Variants in KCNH8 observed in about 807,000 individuals in gnomAD.
The protein encoded by KCNH8 is potassium voltage-gated channel subfamily H member 8.
In KCNH8, 70 loss-of-function variants were observed where a neutral mutation model predicts 103.6. The ratio of observed to expected loss-of-function variants is 0.68; its 90% CI spans 0.56 to 0.82. KCNH8 has a LOEUF of 0.82. KCNH8 is among the 40% of genes least tolerant of loss of function. The pLI, the probability that KCNH8 is intolerant of heterozygous loss-of-function variation, is 0.00. For missense variants in KCNH8, 1,217 were observed against 1,329.9 expected (o/e 0.92, Z 1.32); for synonymous variants, 498 against 489.4 (o/e 1.02, Z -0.23).
At chr3:19,174,252 C>T (rs879356415) in intron 1 of KCNH8, among the ~76,000 whole-genome samples, 2 of 152,126 alleles carry the variant, frequency 1.3e-5, no homozygotes, top group Non-Finnish European at 2.9e-5. Flanking sequence ...CTTGCATTAG[C>T]TCCAGGCCTT....
intron 7 of KCNH8, among the ~76,000 whole-genome samples, chr3:19,419,238 C>G (rs200586881): frequency 0.057 from 7,122 of 124,678 alleles, 394 homozygotes; most frequent in East Asian, 0.26. Flanking sequence ...CTCGCTCTGT[C>G]GCCCAGGCTG....
intron 7 of KCNH8, among the ~76,000 whole-genome samples, chr3:19,431,447 CTT>C (rs2067120217): frequency 6.6e-6 from 1 of 151,200 alleles, no homozygotes; most frequent in South Asian, 2.1e-4. Flanking sequence ...GAAGTTTCCT[CTT>C]TGTTTTACCT....
chr3:19,303,596 T>C (rs1305175537), intron 3 of KCNH8, among the ~76,000 whole-genome samples: 1 of 152,124 alleles, frequency 6.6e-6, no homozygotes, highest in Non-Finnish European at 1.5e-5. Flanking sequence ...GATATGTGCA[T>C]TGAGACAATC....
At chr3:19,222,924 T>C (rs116598265) in intron 1 of KCNH8, among the ~76,000 whole-genome samples, 937 of 152,334 alleles carry the variant, frequency 6.2e-3, no homozygotes, top group Non-Finnish European at 0.011. Context: ...CCATGCTAAG[T>C]GTAGACCTTT....
intron 7 of KCNH8, among the ~76,000 whole-genome samples, chr3:19,405,244 A>T (rs2066673878): frequency 6.6e-6 from 1 of 151,840 alleles, no homozygotes; most frequent in Admixed American, 6.6e-5. Flanking sequence ...TATATTTTTA[A>T]GTATTATGCA....
At chr3:19,453,328 C>T (rs999537203) in intron 10 of KCNH8, among the ~76,000 whole-genome samples, 4 of 152,080 alleles carry the variant, frequency 2.6e-5, no homozygotes, top group Non-Finnish European at 5.9e-5. Context: ...AACAAAACTG[C>T]ACTTGTATCC....
chr3:19,458,648 A>G (rs2067572277), intron 11 of KCNH8, among the ~76,000 whole-genome samples: 1 of 151,992 alleles, frequency 6.6e-6, no homozygotes, highest in Non-Finnish European at 1.5e-5. Context: ...TGTACAATAC[A>G]TCGTTATTAA....
rs186554250 is a variant in KCNH8, at chr3:19,354,326, A to G, written c.811+6361A>G. Among the ~76,000 whole-genome samples the G allele has an allele frequency of 5.2e-3, 785 of 152,274 alleles. 9 individuals are homozygous for G. Among genetic ancestry groups the G allele is most frequent in the African/African-American group, 0.017 (725 of 41,538 alleles). On this transcript the variant is annotated intron_variant, in intron 5 of 15. Transcript: ENST00000328405. ...CTGCCCAAGGTAATTTATAGACTCAATGCTATCCCCATCAAGCTACCAGTG... is the reference window on the plus strand; with the variant it reads ...CTGCCCAAGGTAATTTATAGACTCAGTGCTATCCCCATCAAGCTACCAGTG...
At chr3:19,281,110 G>A (rs1051293678) in intron 2 of KCNH8, 88 bp from the exon 3 acceptor site, 51 of 1,387,892 alleles carry the variant, frequency 3.7e-5, no homozygotes, top group Middle Eastern at 2.0e-4. Flanking sequence ...AAACACTAAG[G>A]GCTTTATTTT....
In KCNH8 at chr3:19,400,696, A is replaced by G. The variant is rs555093736; in HGVS notation, c.1177+5385A>G. Among the ~76,000 whole-genome samples the G allele has an allele frequency of 5.9e-5, 9 of 152,024 alleles. No individual in the cohort carries two copies. In the East Asian group the frequency reaches 1.7e-3, roughly 29 times the overall value. On this transcript the variant is annotated intron_variant, in intron 7 of 15. Coordinates refer to ENST00000328405, the MANE Select transcript of KCNH8 (RefSeq NM_144633.3). ...AGTCAGACATCATTTTCAAATTTTC[A>G]TTGACAATTTTAATCCTAAATCTCC... is the stretch of plus-strand genomic sequence containing the variant.
At chr3:19,207,788 A>G (rs2063731774) in intron 1 of KCNH8, among the ~76,000 whole-genome samples, 1 of 152,014 alleles carries the variant, frequency 6.6e-6, no homozygotes, top group South Asian at 2.1e-4. Flanking sequence ...AAATATGCCA[A>G]GTTGTGTCTA....
At chr3:19,322,314 T>G (rs192161527) in intron 3 of KCNH8, among the ~76,000 whole-genome samples, 8 of 152,330 alleles carry the variant, frequency 5.3e-5, no homozygotes, top group African/African-American at 1.9e-4. Context: ...ATAATCTATT[T>G]TGGTGTATTT....
rs943673961 is a variant in KCNH8 at position 19,319,977 on chromosome 3, A to C, written c.443-22610A>C. ...ATTCTCAGCCTGGTCACAAGTTTAT[A>C]GCAGAGATACTGATTTGTGTACATT... is the stretch of plus-strand genomic sequence containing the variant. On this transcript the variant is annotated intron_variant, in intron 3 of 15. Transcript: ENST00000328405. Among the ~76,000 whole-genome samples the C allele has an allele frequency of 3.9e-5, 6 of 152,032 alleles. No individual in the cohort carries two copies. The South Asian group carries it at 1.2e-3, about 31-fold the overall frequency.
intron 11 of KCNH8, among the ~76,000 whole-genome samples, chr3:19,484,678 C>T (rs371498359): frequency 1.9e-4 from 29 of 151,442 alleles, no homozygotes; most frequent in African/African-American, 6.9e-4. Context: ...GTTTGAGGTC[C>T]TTTCCACGGT....
At chr3:19,498,881 G>C (rs1163033856) in intron 11 of KCNH8, among the ~76,000 whole-genome samples, 2 of 152,156 alleles carry the variant, frequency 1.3e-5, no homozygotes, top group Non-Finnish European at 2.9e-5. Flanking sequence ...GTGCCTCCCA[G>C]TTAGGCTGCT....
chr3:19,179,172 C>G (rs1255746133), intron 1 of KCNH8, among the ~76,000 whole-genome samples: 2 of 151,670 alleles, frequency 1.3e-5, no homozygotes, highest in Non-Finnish European at 1.5e-5. Flanking sequence ...TGTTGTTGAT[C>G]TGGTTTTGTT....
chr3:19,237,206 T>C (rs894989632), intron 1 of KCNH8, among the ~76,000 whole-genome samples: 2 of 152,220 alleles, frequency 1.3e-5, no homozygotes, highest in Admixed American at 1.3e-4. Flanking sequence ...GTTTTCGTTG[T>C]TGAGTAATGG....
chr3:19,526,300 A>C (rs191422369), intron 15 of KCNH8, among the ~76,000 whole-genome samples: 42 of 152,038 alleles, frequency 2.8e-4, no homozygotes, highest in Non-Finnish European at 5.3e-4. Flanking sequence ...CAAAAATGGA[A>C]ACCACATTTT....
chr3:19,440,495 G>T (rs959635302), intron 8 of KCNH8, among the ~76,000 whole-genome samples: 2 of 152,188 alleles, frequency 1.3e-5, no homozygotes, highest in African/African-American at 4.8e-5. Context: ...ATGGTGGCAG[G>T]CAAGAGAGCA....
Sources: gnomAD v4.1 joint callset for allele counts (sites outside exome capture counted in the v4.1 genomes callset) on GRCh38, gnomAD v4.1.1 for gene constraint, MANE v1.5 for transcripts, NCBI Gene and HGNC (gene_info 2026-07-23, HGNC 2026-07-21) for gene names.